The following CGREF1 variants were observed in gnomAD, a reference collection of about 807,000 sequenced individuals.
CGREF1 encodes the protein cell growth regulator with EF hand domain protein 1.
Under a neutral mutation model 17.4 loss-of-function variants are expected in CGREF1, and 16 were observed. The ratio of observed to expected loss-of-function variants is 0.92; its 90% CI spans 0.62 to 1.40. The LOEUF is 1.40. CGREF1 is among the 40% of genes most tolerant of loss of function. The pLI is 0.00. For missense variants in CGREF1, 296 were observed against 376.4 expected (o/e 0.79, Z 1.77); for synonymous variants, 142 against 154.6 (o/e 0.92, Z 0.61).
Position 27,116,223 on chromosome 2 carries a change from C to CAA in CGREF1, c.-12+2621_-12+2622dup, listed in dbSNP as rs34733143. ...AGCCTGGATGACAGCAAGATGCCAC[C>CAA]AAAAAAAAAAAAAAAAACAAAGGCC... On this transcript the variant is annotated intron_variant, in intron 1 of 5. Transcript: ENST00000402394. Among the ~76,000 whole-genome samples the CAA allele has an allele frequency of 8.1e-3, 839 of 104,184 alleles. 8 individuals are homozygous for CAA. The highest frequency in any genetic ancestry group is 0.012 in the African/African-American group (341 of 27,520). 68.3% of individuals were successfully genotyped at this position (104,184 alleles called of 152,430 possible). A position where few individuals can be genotyped will look rare whatever the true frequency, so the allele number is the denominator to read the frequency against.
chr2:27,099,808 C>T (rs772953388), downstream of CGREF1: 1 of 1,589,036 alleles, frequency 6.3e-7, no homozygotes, highest in Admixed American at 1.8e-5. Context: ...GCATCGCCTT[C>T]TCCCCTCCAT....
rs555266964 is a variant in CGREF1 at position 27,107,636 on chromosome 2, T to TAA, written c.-11-3261_-11-3260dup. Among the ~76,000 whole-genome samples, 104 of 138,206 alleles carry TAA rather than the reference T, an allele frequency of 7.5e-4. No homozygotes were observed. In the East Asian group the frequency reaches 8.0e-3, roughly 11 times the overall value. 90.7% of individuals were successfully genotyped at this position (138,206 alleles called of 152,430 possible). A position where few individuals can be genotyped will look rare whatever the true frequency, so the allele number is the denominator to read the frequency against. ...TTTTCCGGCCAGCAACAGTATGTTT[T>TAA]AAAAAAAAAAAAAAGAGGCCGGGTG... On this transcript the variant is annotated intron_variant, in intron 1 of 5. Coordinates refer to ENST00000402394, the MANE Select transcript of CGREF1 (RefSeq NM_006569.6).
chr2:27,103,218 T>G (rs1461508999), intron 2 of CGREF1: 1 of 514,888 alleles, frequency 1.9e-6, no homozygotes, highest in Non-Finnish European at 2.5e-6. Context: ...GCGACTTTTG[T>G]CACAGCTACC....
chr2:27,099,811 C>T (rs1439894755), downstream of CGREF1: 8 of 1,585,936 alleles, frequency 5.0e-6, no homozygotes, highest in Non-Finnish European at 6.0e-6. Context: ...TCGCCTTCTC[C>T]CCTCCATCCA....
At chr2:27,100,559 C>T (rs576618906), downstream of CGREF1, 6 of 1,289,096 alleles carry the variant, frequency 4.7e-6, no homozygotes, top group African/African-American at 9.1e-5. Context: ...ATGTAAAGAG[C>T]ATATAATGTA....
chr2:27,102,722 A>T, intron 2 of CGREF1, 131 bp from the exon 3 acceptor site: 1 of 1,067,624 alleles, frequency 9.4e-7, no homozygotes, highest in Non-Finnish European at 1.3e-6. Context: ...AATTCCAAAA[A>T]CCCTGTAGTG....
chr2:27,107,559 CAT>C (rs368406275), intron 1 of CGREF1, among the ~76,000 whole-genome samples: 132 of 150,376 alleles, frequency 8.8e-4, no homozygotes, highest in African/African-American at 2.9e-3. Flanking sequence ...GGCCAGTTCA[CAT>C]GTTTTAAGAA....
At position 27,101,563 on chromosome 2, in the gene CGREF1, C is replaced by T. The variant is rs143886369; in HGVS notation, c.668G>A (p.Gly223Glu). 5 of 1,612,898 alleles carry T rather than the reference C, an allele frequency of 3.1e-6. No homozygotes were observed. The African/African-American group carries it at 4.0e-5, about 13-fold the overall frequency. Residue 223 changes from glycine to glutamate, a missense_variant, in exon 6 of 6, where the codon GGG (glycine) becomes GAG (glutamate). Physicochemically the swap from Gly to Glu is moderately conservative, Grantham distance 98. Transcript: ENST00000402394. ...EADGDVPGPR[G>E]EAEGQAEAKG... ...AGCCTCTGCCTGGCCCTCAGCTTCC[C>T]CTCTGGGCCCTGGAACATCTCCATC...
At chr2:27,100,431 G>A (rs1361078727), downstream of CGREF1, 16 of 1,290,798 alleles carry the variant, frequency 1.2e-5, no homozygotes, top group Admixed American at 4.6e-5. Context: ...AATTAAGGGC[G>A]TGCCTCAGCC....
intron 1 of CGREF1, chr2:27,104,880 A>G: frequency 7.8e-7 from 1 of 1,275,934 alleles, no homozygotes; most frequent in East Asian, 2.6e-5. Flanking sequence ...ACAAATCAAA[A>G]GAGGCGCAGA....
chr2:27,103,304 C>G (rs1222608918), intron 2 of CGREF1, among the ~76,000 whole-genome samples: 1 of 152,158 alleles, frequency 6.6e-6, no homozygotes, highest in Non-Finnish European at 1.5e-5. Context: ...TAAATAAAAC[C>G]TTCAGAAAGG....
Position 27,101,853 on chromosome 2 carries a change from C to T in CGREF1, c.378G>A (p.Gln126=). The change falls in exon 6 of 6, where the codon CAG becomes CAA. Residue 126 remains glutamine, a synonymous_variant. Transcript: ENST00000402394. ...ILIVDKVLET[Q]DLNGDGLMTP... ...TCATGAGCCCATCCCCATTCAGGTC[C>T]TGGGTCTCGAGCACTTTGTCCACTA... The T allele has an allele frequency of 6.2e-7, 1 of 1,613,874 alleles. No individual in the cohort carries two copies. The highest frequency in any genetic ancestry group is 1.1e-5 in the South Asian group (1 of 91,078).
chr2:27,117,804 G>A (rs1671640442), intron 1 of CGREF1, among the ~76,000 whole-genome samples: 1 of 148,868 alleles, frequency 6.7e-6, no homozygotes, highest in African/African-American at 2.5e-5. Context: ...CGCCTCCCGG[G>A]TTCACGCCAT....
At chr2:27,106,957 G>C (rs901193571) in intron 1 of CGREF1, among the ~76,000 whole-genome samples, 7 of 152,122 alleles carry the variant, frequency 4.6e-5, no homozygotes, top group Admixed American at 4.6e-4. Context: ...AATGCTACCT[G>C]TATGGTCAGA....
At chr2:27,116,758 G>C (rs559496111) in intron 1 of CGREF1, among the ~76,000 whole-genome samples, 11 of 150,744 alleles carry the variant, frequency 7.3e-5, no homozygotes, top group Non-Finnish European at 1.5e-4. Context: ...TAGTAGAGAT[G>C]GGGTTTCGGC....
At chr2:27,107,753 T>C (rs1482765872) in intron 1 of CGREF1, among the ~76,000 whole-genome samples, 3 of 149,604 alleles carry the variant, frequency 2.0e-5, no homozygotes, top group Non-Finnish European at 4.5e-5. Context: ...GCCAACATGG[T>C]GAAACCCCGT....
Position 27,118,974 on chromosome 2 carries a change from C to T in CGREF1, c.-140G>A, listed in dbSNP as rs1671693371. The T allele has an allele frequency of 6.6e-6, 1 of 151,954 alleles. No individual in the cohort carries two copies. Among genetic ancestry groups the T allele is most frequent in the African/African-American group, 2.4e-5 (1 of 41,328 alleles). 9.4% of individuals were successfully genotyped at this position (151,954 alleles called of 1,614,324 possible). A position where few individuals can be genotyped will look rare whatever the true frequency, so the allele number is the denominator to read the frequency against. Reference sequence around the variant, plus strand: ...CCACGTGGCCGCTCCACGTCGCCCTCCCGGCTGGAGCCGCCGCCCTGGCCG... The same window carrying T: ...CCACGTGGCCGCTCCACGTCGCCCTTCCGGCTGGAGCCGCCGCCCTGGCCG... On this transcript the variant is annotated 5_prime_UTR_variant, in exon 1 of 6. Coordinates refer to ENST00000402394, the MANE Select transcript of CGREF1 (RefSeq NM_006569.6).
chr2:27,109,105 C>T (rs1306000223), intron 1 of CGREF1, among the ~76,000 whole-genome samples: 6 of 152,248 alleles, frequency 3.9e-5, no homozygotes, highest in South Asian at 2.1e-4. Flanking sequence ...GATATGAGTT[C>T]GTGCCTGTAA....
chr2:27,111,464 G>A (rs1671379794), intron 1 of CGREF1, among the ~76,000 whole-genome samples: 1 of 152,258 alleles, frequency 6.6e-6, no homozygotes. Flanking sequence ...AGTGGATCCT[G>A]CACCGGGGCC....
Sources: gnomAD v4.1 joint callset for allele counts (sites outside exome capture counted in the v4.1 genomes callset) on GRCh38, gnomAD v4.1.1 for gene constraint, MANE v1.5 for transcripts, NCBI Gene and HGNC (gene_info 2026-07-23, HGNC 2026-07-21) for gene names.